Variants in DNAH11 observed in about 807,000 individuals in gnomAD.
DNAH11 encodes the protein dynein axonemal heavy chain 11.
In DNAH11, 442 loss-of-function variants were observed where a neutral mutation model predicts 526.0. The observed-to-expected ratio is 0.84, with a 90% CI of 0.78 to 0.91. The LOEUF is 0.91. Ranked by LOEUF, DNAH11 falls within the 40% of genes least tolerant of loss-of-function variation. The pLI, the probability that DNAH11 is intolerant of heterozygous loss-of-function variation, is 0.00. For missense variants in DNAH11, 6,989 were observed against 5,448.7 expected (o/e 1.28, Z -8.90); for synonymous variants, 2,461 against 1,935.9 (o/e 1.27, Z -7.12).
chr7:21,645,929 C>CA (rs921128587), intron 28 of DNAH11, among the ~76,000 whole-genome samples: 3 of 151,836 alleles, frequency 2.0e-5, no homozygotes, highest in African/African-American at 7.3e-5. Context: ...TAACTATAAA[C>CA]AAAAAAATGG....
chr7:21,702,849 T>A (rs1284993588), intron 37 of DNAH11, 47 bp downstream of exon 37: 1 of 1,511,404 alleles, frequency 6.6e-7, no homozygotes, highest in Admixed American at 1.8e-5. Context: ...GCTGGCCTGC[T>A]TCACAGACAT....
chr7:21,757,383 G>A (rs777321787), intron 54 of DNAH11, among the ~76,000 whole-genome samples: 6 of 152,108 alleles, frequency 3.9e-5, no homozygotes, highest in Non-Finnish European at 8.8e-5. Flanking sequence ...AGGAAAAGGT[G>A]TTGCAGTTTA....
chr7:21,789,282 A>G lies in DNAH11; in HGVS notation c.9966A>G (p.Gln3322=), dbSNP rs201050208. ...DVEPKRQALA[Q]ANLELAAATE... ...AGCCAAAACGCCAAGCATTAGCCCA[A>G]GCAAACTTAGAACTGGCTGCAGCTA... is the stretch of plus-strand genomic sequence containing the variant. The change falls in exon 61 of 82, where the codon CAA becomes CAG. Residue 3322 remains glutamine, a synonymous_variant. Transcript: ENST00000409508. 550 of 1,578,512 alleles carry G rather than the reference A, an allele frequency of 3.5e-4. No homozygotes were observed. Among genetic ancestry groups the G allele is most frequent in the Non-Finnish European group, 4.6e-4 (539 of 1,161,726 alleles).
chr7:21,820,281 C>G (rs1419194832), intron 65 of DNAH11, among the ~76,000 whole-genome samples: 2 of 152,110 alleles, frequency 1.3e-5, no homozygotes, highest in African/African-American at 4.8e-5. Flanking sequence ...AGCTACACTT[C>G]CATAAGTAAA....
At chr7:21,693,070 G>A (rs545996634) in intron 35 of DNAH11, among the ~76,000 whole-genome samples, 1 of 151,788 alleles carries the variant, frequency 6.6e-6, no homozygotes, top group Non-Finnish European at 1.5e-5. Flanking sequence ...ATTTTCTTTT[G>A]TCCATCAAAG....
intron 55 of DNAH11, among the ~76,000 whole-genome samples, chr7:21,769,867 C>G (rs1477466573): frequency 6.6e-6 from 1 of 152,044 alleles, no homozygotes; most frequent in African/African-American, 2.4e-5. Context: ...TTGAAGGTAC[C>G]TTTTTCAATG....
chr7:21,683,087 C>T (rs1485114278), intron 31 of DNAH11, among the ~76,000 whole-genome samples: 1 of 152,038 alleles, frequency 6.6e-6, no homozygotes, highest in Admixed American at 6.5e-5. Flanking sequence ...TTATTTTGTA[C>T]TAAAAAATAC....
chr7:21,620,566 T>A (rs1355798733), intron 25 of DNAH11, among the ~76,000 whole-genome samples: 10 of 152,176 alleles, frequency 6.6e-5, no homozygotes, highest in Admixed American at 3.9e-4. Context: ...TTCTTTTTTT[T>A]AAATTTTACT....
intron 54 of DNAH11, among the ~76,000 whole-genome samples, chr7:21,762,099 A>G (rs1306999258): frequency 6.6e-6 from 1 of 152,124 alleles, no homozygotes; most frequent in African/African-American, 2.4e-5. Flanking sequence ...TGAGAACAGC[A>G]TGGGGGAAAC....
intron 6 of DNAH11, among the ~76,000 whole-genome samples, chr7:21,568,914 T>A (rs776081972): frequency 4.6e-5 from 7 of 152,190 alleles, no homozygotes; most frequent in Non-Finnish European, 7.4e-5. Context: ...AAATTCACAT[T>A]GCTGAGGGAT....
intron 62 of DNAH11, among the ~76,000 whole-genome samples, chr7:21,805,000 C>G (rs1375815752): frequency 6.6e-6 from 1 of 152,184 alleles, no homozygotes; most frequent in Non-Finnish European, 1.5e-5. Flanking sequence ...GTCTCTCCCT[C>G]ATACTTCCAG....
chr7:21,577,220 C>T (rs1466394012), intron 8 of DNAH11, among the ~76,000 whole-genome samples: 1 of 152,208 alleles, frequency 6.6e-6, no homozygotes, highest in African/African-American at 2.4e-5. Flanking sequence ...GAGAGCTTAA[C>T]ACAAAAGAAG....
intron 65 of DNAH11, among the ~76,000 whole-genome samples, chr7:21,827,144 C>T (rs2128006239): frequency 6.6e-6 from 1 of 152,304 alleles, no homozygotes; most frequent in African/African-American, 2.4e-5. Context: ...ACAGGTGAAC[C>T]TGGCCCACAC....
Position 21,570,089 on chromosome 7 carries a change from T to C in DNAH11, c.1215T>C (p.Pro405=). The change falls in exon 7 of 82, where the codon CCT becomes CCC. Residue 405 remains proline (P), a synonymous_variant. Transcript: ENST00000409508. ...FINQATAYLS[P]EDLLRGEIEE... The stretch of plus-strand genomic sequence containing the variant: ...CCTAGGCAACAGCTTACCTTTCACC[T>C]GAGGACCTTTTGAGGGGAGAAATAG... The C allele has an allele frequency of 6.2e-7, 1 of 1,609,702 alleles. No homozygotes were observed. Among genetic ancestry groups the C allele is most frequent in the Non-Finnish European group, 8.5e-7 (1 of 1,177,818 alleles).
At chr7:21,655,679 A>C (rs1186667550) in intron 28 of DNAH11, among the ~76,000 whole-genome samples, 153 bp from the exon 29 acceptor site, 1 of 152,216 alleles carries the variant, frequency 6.6e-6, no homozygotes, top group African/African-American at 2.4e-5. Flanking sequence ...TCAAGCTCTC[A>C]TATTTTAGAA....
intron 62 of DNAH11, among the ~76,000 whole-genome samples, chr7:21,807,007 T>C (rs1352033504): frequency 1.3e-5 from 2 of 152,252 alleles, no homozygotes; most frequent in Admixed American, 6.5e-5. Flanking sequence ...CTACCAATGC[T>C]ACTCTTTAAT....
chr7:21,682,107 G>A (rs1355674895), intron 31 of DNAH11, among the ~76,000 whole-genome samples: 1 of 152,186 alleles, frequency 6.6e-6, no homozygotes, highest in African/African-American at 2.4e-5. Flanking sequence ...AGAGAGAGGT[G>A]TTGGTCATAA....
At chr7:21,681,710 T>A in intron 31 of DNAH11, 33 bp downstream of exon 31, 1 of 1,612,918 alleles carries the variant, frequency 6.2e-7, no homozygotes, top group Non-Finnish European at 8.5e-7. Flanking sequence ...ATGTATTCAT[T>A]ATTGTTTCCT....
intron 43 of DNAH11, among the ~76,000 whole-genome samples, chr7:21,719,573 A>G (rs1784799151): frequency 6.6e-6 from 1 of 152,200 alleles, no homozygotes; most frequent in African/African-American, 2.4e-5. Flanking sequence ...AAAGCCTCAG[A>G]GTTTTACACT....
Sources: allele counts gnomAD v4.1 joint callset (sites outside exome capture counted in the v4.1 genomes callset), GRCh38; gene constraint gnomAD v4.1.1; transcripts MANE v1.5; gene names NCBI Gene and HGNC (gene_info 2026-07-23, HGNC 2026-07-21).